BRAF: variants seen among roughly 807,000 people sequenced by gnomAD.
The protein encoded by BRAF is B-Raf proto-oncogene, serine/threonine kinase, also known as serine/threonine-protein kinase B-raf.
A neutral mutation model predicts 104.6 loss-of-function variants in BRAF; 16 were observed. The ratio of observed to expected loss-of-function variants is 0.15; its 90% CI spans 0.10 to 0.23. The LOEUF (loss-of-function observed/expected upper bound fraction) is 0.23. Among genes scored for constraint, BRAF ranks in the 10% least tolerant of loss-of-function variants. BRAF has a pLI of 1.00. For synonymous variants in BRAF, 310 were observed against 341.6 expected, an observed-to-expected ratio of 0.91 and a Z score of 1.02; for missense variants, 541 against 937.3, an observed-to-expected ratio of 0.58 and a Z score of 5.52.
chr7:140,811,162 C>T (rs1364861053), intron 3 of BRAF, among the ~76,000 whole-genome samples: 1 of 152,150 alleles, frequency 6.6e-6, no homozygotes, highest in Non-Finnish European at 1.5e-5. Context: ...GGTTACGTAT[C>T]GACTGACTGA....
chr7:140,802,290 GTC>G (rs1328318468), intron 5 of BRAF, among the ~76,000 whole-genome samples: 318 of 136,026 alleles, frequency 2.3e-3, no homozygotes, highest in Non-Finnish European at 3.9e-3. Context: ...GTATGTTTGT[GTC>G]TTTTTTTTTT....
At chr7:140,865,840 T>C (rs1308137152) in intron 1 of BRAF, among the ~76,000 whole-genome samples, 2 of 152,222 alleles carry the variant, frequency 1.3e-5, no homozygotes, top group African/African-American at 4.8e-5. Context: ...TATTCTAACT[T>C]AGAGTTTAAC....
At position 140,854,366 on chromosome 7, in the gene BRAF, T is replaced by C. The variant is rs555910351; in HGVS notation, c.139-4154A>G. On this transcript the variant is annotated intron_variant, in intron 1 of 19. Coordinates refer to ENST00000644969, the MANE Select transcript of BRAF (RefSeq NM_001374258.1). ...ATTTATTTTGGTGTCTTAGTCATAA[T>C]AGGTATGCAATTAAAGCTGAAGATT... is the stretch of plus-strand genomic sequence containing the variant. Among the ~76,000 whole-genome samples the C allele has an allele frequency of 3.3e-5, 5 of 152,318 alleles. No homozygotes were observed. The East Asian group carries it at 7.7e-4, about 23-fold the overall frequency.
chr7:140,749,229 C>T (rs2128994095), intron 17 of BRAF, 58 bp downstream of exon 16: 1 of 1,604,596 alleles, frequency 6.2e-7, no homozygotes, highest in African/African-American at 1.3e-5. Flanking sequence ...TTATTTTCTA[C>T]AACTGGAGCC....
chr7:140,867,846 G>A (rs943646054), intron 1 of BRAF, among the ~76,000 whole-genome samples: 3 of 152,160 alleles, frequency 2.0e-5, no homozygotes, highest in African/African-American at 7.2e-5. Flanking sequence ...TCTTTTACCC[G>A]TAACTCTGCA....
At chr7:140,855,862 G>C (rs1276915169) in intron 1 of BRAF, among the ~76,000 whole-genome samples, 1 of 151,066 alleles carries the variant, frequency 6.6e-6, no homozygotes, top group East Asian at 1.9e-4. Context: ...TCTACTAAAA[G>C]TACAAAAATT....
intron 14 of BRAF, among the ~76,000 whole-genome samples, chr7:140,769,689 CAT>C (rs1393776693): frequency 6.6e-6 from 1 of 152,162 alleles, no homozygotes; most frequent in Non-Finnish European, 1.5e-5. Context: ...TCCTGATGAA[CAT>C]GTTTCCAATT....
intron 5 of BRAF, among the ~76,000 whole-genome samples, chr7:140,802,996 A>G (rs1049829873): frequency 3.3e-5 from 5 of 152,174 alleles, no homozygotes; most frequent in African/African-American, 1.2e-4. Flanking sequence ...GATCTTTTAT[A>G]CTGTATTTTT....
At chr7:140,911,012 A>C (rs1342260704) in intron 1 of BRAF, among the ~76,000 whole-genome samples, 1 of 152,174 alleles carries the variant, frequency 6.6e-6, no homozygotes, top group Admixed American at 6.5e-5. Flanking sequence ...GTGTAAATCA[A>C]CATAATCTTG....
intron 2 of BRAF, among the ~76,000 whole-genome samples, chr7:140,840,647 C>T (rs973058222): frequency 5.3e-5 from 8 of 151,446 alleles, no homozygotes; most frequent in Non-Finnish European, 8.8e-5. Context: ...AAAAATTATC[C>T]AGGCACAGTG....
Position 140,721,598 on chromosome 7 carries a change from T to C in BRAF, c.*4896A>G, listed in dbSNP as rs1239580966. ...ATATACTGGTGACTCCGCTCTCCTC[T>C]GGCCAAGCTACAAATCATCACCTGA... On this transcript the variant is annotated 3_prime_UTR_variant, in exon 20 of 20. Coordinates refer to ENST00000644969, the MANE Select transcript of BRAF (RefSeq NM_001374258.1). 1.3e-6 allele frequency: 2 copies of C among 1,534,334 alleles called. No homozygotes were observed. The highest frequency in any genetic ancestry group is 2.4e-5 in the South Asian group (2 of 83,650).
intron 1 of BRAF, among the ~76,000 whole-genome samples, chr7:140,905,343 T>C (rs1466046472): frequency 2.6e-5 from 4 of 152,256 alleles, no homozygotes. Context: ...ACTATATTAC[T>C]AAGGCTATTA....
chr7:140,728,116 C>T (rs1795714619), intron 19 of BRAF, among the ~76,000 whole-genome samples: 1 of 152,184 alleles, frequency 6.6e-6, no homozygotes, highest in Non-Finnish European at 1.5e-5. Context: ...GCTTTGTAAG[C>T]TGATAGTATT....
intron 18 of BRAF, among the ~76,000 whole-genome samples, chr7:140,738,222 C>T (rs1199925109): frequency 6.6e-6 from 1 of 152,218 alleles, no homozygotes; most frequent in African/African-American, 2.4e-5. Context: ...ACCCAGCCAA[C>T]CACTTAGCTT....
At position 140,802,543 on chromosome 7, in the gene BRAF, C is replaced by A. The variant is rs184003475; in HGVS notation, c.712-983G>T. 1.5e-3 allele frequency among the ~76,000 whole-genome samples: 226 copies of A among 152,188 alleles called. 2 individuals are homozygous for A. The highest frequency in any genetic ancestry group is 5.0e-3 in the African/African-American group (207 of 41,542). On this transcript the variant is annotated intron_variant, in intron 5 of 19. Coordinates refer to ENST00000644969, the MANE Select transcript of BRAF (RefSeq NM_001374258.1). ...GAACTCCTGACCTCAGGTGATGCGTCTGCCTAGGCCTCCTCAAGTGCTGGG... is the reference window on the plus strand; with the variant it reads ...GAACTCCTGACCTCAGGTGATGCGTATGCCTAGGCCTCCTCAAGTGCTGGG...
In BRAF at chr7:140,724,607, G is replaced by A; in HGVS notation, c.*1887C>T. On this transcript the variant is annotated 3_prime_UTR_variant, in exon 20 of 20. Coordinates refer to ENST00000644969, the MANE Select transcript of BRAF (RefSeq NM_001374258.1). ...TACAAGACAATGAAAATTTCAATAG[G>A]CTTTCTTCTGAATACATGTATGTTA... The A allele has an allele frequency of 1.9e-6, 2 of 1,038,120 alleles. No individual in the cohort carries two copies. The highest frequency in any genetic ancestry group is 2.3e-6 in the Non-Finnish European group (2 of 862,014). 64.3% of individuals were successfully genotyped at this position (1,038,120 alleles called of 1,614,324 possible). A position where few individuals can be genotyped will look rare whatever the true frequency, so the allele number is the denominator to read the frequency against.
intron 1 of BRAF, among the ~76,000 whole-genome samples, chr7:140,871,975 G>T (rs2129093912): frequency 6.6e-6 from 1 of 152,234 alleles, no homozygotes; most frequent in East Asian, 1.9e-4. Context: ...CTAGCACTTT[G>T]GGAGGCCGCG....
intron 1 of BRAF, among the ~76,000 whole-genome samples, chr7:140,852,142 G>C (rs1181681319): frequency 6.6e-6 from 1 of 152,074 alleles, no homozygotes; most frequent in African/African-American, 2.4e-5. Flanking sequence ...GCCGAGGCAG[G>C]TGGATTGCTT....
intron 1 of BRAF, among the ~76,000 whole-genome samples, chr7:140,869,243 T>A (rs568185520): frequency 6.6e-6 from 1 of 152,112 alleles, no homozygotes; most frequent in Non-Finnish European, 1.5e-5. Flanking sequence ...AGAAATAACA[T>A]GTTCTTTTAC....
Sources: gnomAD v4.1 joint callset for allele counts (sites outside exome capture counted in the v4.1 genomes callset) on GRCh38, gnomAD v4.1.1 for gene constraint, MANE v1.5 for transcripts, NCBI Gene and HGNC (gene_info 2026-07-23, HGNC 2026-07-21) for gene names.